Variants in XKR9 observed in about 807,000 individuals in gnomAD.
The protein encoded by XKR9 is XK-related protein 9.
A neutral mutation model predicts 32.0 loss-of-function variants in XKR9; 32 were observed. The observed-to-expected ratio is 1.00, with a 90% CI of 0.76 to 1.34. The LOEUF is 1.34. XKR9 is among the 40% of genes most tolerant of loss of function. XKR9 has a pLI of 0.00. For missense variants in XKR9, 546 were observed against 429.7 expected (o/e 1.27, Z -2.39); for synonymous variants, 168 against 143.4 (o/e 1.17, Z -1.22).
intron 2 of XKR9, among the ~76,000 whole-genome samples, chr8:70,755,538 A>G (rs1807209443): frequency 6.6e-6 from 1 of 152,208 alleles, no homozygotes; most frequent in African/African-American, 2.4e-5. Flanking sequence ...GACTGGATTA[A>G]GTAAATGTGA....
At chr8:70,961,269 A>G in the XKR9 span, among the ~76,000 whole-genome samples, 2 of 152,160 alleles carry the variant, frequency 1.3e-5, no homozygotes, top group South Asian at 4.1e-4. Flanking sequence ...CCAAGTGTAT[A>G]ATAAAAAATG....
chr8:70,919,199 T>C, the XKR9 span, among the ~76,000 whole-genome samples: 2 of 152,304 alleles, frequency 1.3e-5, no homozygotes, highest in East Asian at 3.9e-4. Flanking sequence ...ACTTCACTTC[T>C]CTGAGCCTCA....
At chr8:70,989,210 C>T in the XKR9 span, among the ~76,000 whole-genome samples, 1 of 152,126 alleles carries the variant, frequency 6.6e-6, no homozygotes, top group African/African-American at 2.4e-5. Flanking sequence ...CTGTTAATAG[C>T]AGTAGCAGAC....
the XKR9 span, among the ~76,000 whole-genome samples, chr8:70,963,150 T>C: frequency 6.6e-6 from 1 of 151,958 alleles, no homozygotes; most frequent in Non-Finnish European, 1.5e-5. Flanking sequence ...CCAGTGTGTG[T>C]TGCTCCCACC....
At chr8:70,862,446 T>C in the XKR9 span, among the ~76,000 whole-genome samples, 1 of 151,932 alleles carries the variant, frequency 6.6e-6, no homozygotes, top group Non-Finnish European at 1.5e-5. Context: ...TAATACTTAT[T>C]CTTTGGAAAA....
Position 70,773,877 on chromosome 8 carries a change from C to G in XKR9, n.353-15462C>G, listed in dbSNP as rs367680245. On this transcript the variant is annotated intron_variant and non_coding_transcript_variant, in intron 2 of 3. Coordinates refer to the XKR9 transcript ENST00000520273. ...GGTTTAGTAAGGAGGCATGGATTGG[C>G]TGTTAGAATAGGGTCATCTTCATGT... Among the ~76,000 whole-genome samples, 6 of 152,110 alleles carry G rather than the reference C, an allele frequency of 3.9e-5. No individual in the cohort carries two copies. In the East Asian group the frequency reaches 5.8e-4, roughly 15 times the overall value.
At chr8:70,944,181 C>T in the XKR9 span, among the ~76,000 whole-genome samples, 1 of 152,026 alleles carries the variant, frequency 6.6e-6, no homozygotes, top group Non-Finnish European at 1.5e-5. Flanking sequence ...GAGAGCTGCG[C>T]CCAAACCAGA....
chr8:70,810,515 G>T, the XKR9 span, among the ~76,000 whole-genome samples: 2 of 152,118 alleles, frequency 1.3e-5, no homozygotes, highest in Admixed American at 6.5e-5. Flanking sequence ...AAAGAGTCAA[G>T]ACCCATCAGT....
downstream of XKR9, among the ~76,000 whole-genome samples, chr8:70,739,970 A>G (rs1395697793): frequency 6.6e-6 from 1 of 152,092 alleles, no homozygotes; most frequent in Admixed American, 6.6e-5. Context: ...CTTGAGGAGT[A>G]TCTTTGTGGC....
At chr8:70,700,901 C>A (rs1805503198) in intron 3 of XKR9, among the ~76,000 whole-genome samples, 3 of 152,208 alleles carry the variant, frequency 2.0e-5, no homozygotes, top group Admixed American at 2.0e-4. Context: ...GGGCACCCCT[C>A]CCCCAGCCTT....
At chr8:70,968,869 T>C in the XKR9 span, among the ~76,000 whole-genome samples, 1 of 152,134 alleles carries the variant, frequency 6.6e-6, no homozygotes, top group African/African-American at 2.4e-5. Context: ...CGCATGCTCA[T>C]GTAGGAGGTG....
intron 2 of XKR9, among the ~76,000 whole-genome samples, chr8:70,758,519 A>G (rs1264701973): frequency 6.6e-6 from 1 of 152,148 alleles, no homozygotes; most frequent in East Asian, 1.9e-4. Context: ...AGCTGTCTTT[A>G]TAGTTTAGGC....
chr8:70,924,293 T>C, the XKR9 span, among the ~76,000 whole-genome samples: 1 of 152,214 alleles, frequency 6.6e-6, no homozygotes, highest in African/African-American at 2.4e-5. Flanking sequence ...AACAGCTTCT[T>C]ATCCTGTTTT....
chr8:70,977,537 G>T, the XKR9 span, among the ~76,000 whole-genome samples: 198 of 152,302 alleles, frequency 1.3e-3, no homozygotes, highest in African/African-American at 4.6e-3. Context: ...CCATGTAATT[G>T]TGCAGTTTTG....
the XKR9 span, among the ~76,000 whole-genome samples, chr8:70,800,605 C>A: frequency 3.9e-5 from 6 of 152,120 alleles, no homozygotes; most frequent in South Asian, 2.1e-4. Context: ...ATTGCCTCAG[C>A]CTCCCAAGTA....
chr8:71,059,303 C>T, the XKR9 span, among the ~76,000 whole-genome samples: 1 of 152,230 alleles, frequency 6.6e-6, no homozygotes, highest in Non-Finnish European at 1.5e-5. Context: ...GTCTCAGAAA[C>T]CACTAACAAG....
At chr8:70,784,825 G>A (rs1410178217) in intron 2 of XKR9, among the ~76,000 whole-genome samples, 4 of 151,852 alleles carry the variant, frequency 2.6e-5, no homozygotes, top group Admixed American at 1.3e-4. Context: ...TATGTTAGCT[G>A]TAGGATTCTC....
At chr8:70,714,941 C>A (rs1297718102) in intron 4 of XKR9, among the ~76,000 whole-genome samples, 6 of 151,912 alleles carry the variant, frequency 3.9e-5, no homozygotes, top group Non-Finnish European at 8.8e-5. Flanking sequence ...GACAATGGCA[C>A]AAAATTTAGT....
chr8:70,735,467 A>C lies in XKR9; in HGVS notation c.*1043A>C, dbSNP rs1586874244. ...TTTAATTTTTTAATTTTATATTATTATTATTATTATTATACTTTAAGGTTT... is the reference window on the plus strand; with the variant it reads ...TTTAATTTTTTAATTTTATATTATTCTTATTATTATTATACTTTAAGGTTT... On this transcript the variant is annotated 3_prime_UTR_variant, in exon 5 of 5. Transcript: ENST00000408926. 2.0e-5 allele frequency: 3 copies of C among 150,228 alleles called. No homozygotes were observed. Among genetic ancestry groups the C allele is most frequent in the African/African-American group, 7.3e-5 (3 of 41,100 alleles). 9.3% of individuals were successfully genotyped at this position (150,228 alleles called of 1,614,324 possible). A position where few individuals can be genotyped will look rare whatever the true frequency, so the allele number is the denominator to read the frequency against.
Sources: allele counts gnomAD v4.1 joint callset (sites outside exome capture counted in the v4.1 genomes callset), GRCh38; gene constraint gnomAD v4.1.1; transcripts MANE v1.5; gene names NCBI Gene and HGNC (gene_info 2026-07-23, HGNC 2026-07-21).